Variants in PLS3 observed in about 807,000 individuals in gnomAD.
PLS3 encodes plastin 3.
PLS3 carries 11 observed loss-of-function variants against 46.5 expected under a neutral mutation model. The observed-to-expected ratio is 0.24, with a 90% CI of 0.15 to 0.39. PLS3 has a LOEUF of 0.39. Ranked by LOEUF, PLS3 falls within the 10% of genes least tolerant of loss-of-function variation. PLS3 has a pLI of 1.00. For synonymous variants in PLS3, 167 were observed against 162.2 expected (o/e 1.03, Z -0.22); for missense variants, 308 against 461.8 (o/e 0.67, Z 3.05).
chrX:115,596,704 G>A (rs2074392404), intron 1 of PLS3, among the ~76,000 whole-genome samples: 1 of 110,894 alleles, frequency 9.0e-6, no homozygotes, highest in African/African-American at 3.3e-5. Flanking sequence ...AGATGTGGTG[G>A]CGCATGCTTG....
chrX:115,569,055 G>A (rs868907550), intron 1 of PLS3, among the ~76,000 whole-genome samples: 3 of 103,850 alleles, frequency 2.9e-5, no homozygotes, highest in African/African-American at 1.1e-4. Flanking sequence ...AAAAAAAAAA[G>A]AAGAAGAAAA....
chrX:115,578,010 G>A (rs2074258543), intron 1 of PLS3, among the ~76,000 whole-genome samples: 1 of 111,470 alleles, frequency 9.0e-6, no homozygotes, highest in African/African-American at 3.3e-5. Flanking sequence ...ATCCTACTAG[G>A]GGAGAGATAG....
At chrX:115,602,099 G>A (rs1467064341) in intron 1 of PLS3, among the ~76,000 whole-genome samples, 1 of 111,578 alleles carries the variant, frequency 9.0e-6, no homozygotes, top group Non-Finnish European at 1.9e-5. Context: ...CAAAGACAGA[G>A]TTCAAGCCTC....
intron 1 of PLS3, among the ~76,000 whole-genome samples, chrX:115,590,203 G>C (rs2074335766): frequency 9.0e-6 from 1 of 111,426 alleles, no homozygotes; most frequent in South Asian, 3.8e-4. Flanking sequence ...CATCTAGAGA[G>C]AGTGACAGTG....
At chrX:115,637,041 C>T in intron 8 of PLS3, 63 bp downstream of exon 8, 1 of 1,058,548 alleles carries the variant, frequency 9.4e-7, no homozygotes. Flanking sequence ...TTCATCCCAG[C>T]TTAACAGAGA....
chrX:115,578,712 A>C (rs1177333621), intron 1 of PLS3, among the ~76,000 whole-genome samples: 3 of 109,843 alleles, frequency 2.7e-5, no homozygotes, highest in Non-Finnish European at 5.7e-5. Context: ...AAAAAAAAAA[A>C]AAGATAAAGT....
chrX:115,570,596 C>T (rs1050134808), intron 1 of PLS3, among the ~76,000 whole-genome samples: 12 of 102,858 alleles, frequency 1.2e-4, no homozygotes, highest in East Asian at 6.2e-4. Context: ...CTTGACTTCC[C>T]GGGGCTCAAG....
chrX:115,608,061 G>T (rs1556635623), intron 1 of PLS3, among the ~76,000 whole-genome samples: 2 of 111,783 alleles, frequency 1.8e-5, no homozygotes, highest in African/African-American at 6.5e-5. Flanking sequence ...ATAATACTTG[G>T]TGCATAGTTG....
Position 115,633,986 on chromosome X carries a change from A to C in PLS3, c.501-14A>C. 1.0e-6 allele frequency: 1 copy of C among 974,249 alleles called. No individual in the cohort carries two copies. The highest frequency in any genetic ancestry group is 3.1e-5 in the East Asian group (1 of 32,708). The allele number at this position is 974,249 out of a possible 1,213,427, so 80.3% of individuals were successfully genotyped here. A position where few individuals can be genotyped will look rare whatever the true frequency, so the allele number is the denominator to read the frequency against. On this transcript the variant is annotated splice_polypyrimidine_tract_variant and intron_variant, in intron 5 of 15. Coordinates refer to ENST00000355899, the MANE Select transcript of PLS3 (RefSeq NM_005032.7). ...TTTTTTTTACATCAGCCTTTTTTTAAATTTTTGTTTCAGTAAAATGATTAA... is the reference window on the plus strand; with the variant it reads ...TTTTTTTTACATCAGCCTTTTTTTACATTTTTGTTTCAGTAAAATGATTAA...
At chrX:115,587,871 A>G (rs902530228) in intron 1 of PLS3, among the ~76,000 whole-genome samples, 2 of 112,481 alleles carry the variant, frequency 1.8e-5, no homozygotes, top group Non-Finnish European at 3.8e-5. Context: ...GAAACAACTA[A>G]GAGTATTTGT....
At chrX:115,608,216 C>T (rs1177354857) in intron 1 of PLS3, among the ~76,000 whole-genome samples, 13 of 111,684 alleles carry the variant, frequency 1.2e-4, no homozygotes, top group Non-Finnish European at 2.3e-4. Flanking sequence ...CCTACCACTT[C>T]CAGCCCCTAC....
At position 115,629,192 on chromosome X, in the gene PLS3, T is replaced by G; in HGVS notation, c.238-6T>G. On this transcript the variant is annotated splice_polypyrimidine_tract_variant and splice_region_variant and intron_variant, in intron 3 of 15. Coordinates refer to ENST00000355899, the MANE Select transcript of PLS3 (RefSeq NM_005032.7). Reference sequence around the variant, plus strand: ...TGTGAATCAACAAAATTACTTTAATTAATAGATTTTTCAAGAGGTAAAAAG... The same window carrying G: ...TGTGAATCAACAAAATTACTTTAATGAATAGATTTTTCAAGAGGTAAAAAG... 1 of 1,130,463 alleles carries G rather than the reference T, an allele frequency of 8.8e-7. No individual in the cohort carries two copies. The highest frequency in any genetic ancestry group is 3.0e-5 in the East Asian group (1 of 32,976). The allele number at this position is 1,130,463 out of a possible 1,213,427, so 93.2% of individuals were successfully genotyped here. A position where few individuals can be genotyped will look rare whatever the true frequency, so the allele number is the denominator to read the frequency against.
chrX:115,582,471 C>T (rs1257603795), intron 1 of PLS3, among the ~76,000 whole-genome samples: 1 of 112,076 alleles, frequency 8.9e-6, no homozygotes, highest in Non-Finnish European at 1.9e-5. Flanking sequence ...GATTCAATTC[C>T]CTCCTCGAAG....
chrX:115,636,114 A>C (rs1271375798), intron 7 of PLS3, among the ~76,000 whole-genome samples: 6 of 112,002 alleles, frequency 5.4e-5, no homozygotes, highest in Non-Finnish European at 9.4e-5. Flanking sequence ...TTTTACTTAA[A>C]TACAAATACC....
chrX:115,639,633 C>T (rs782052699), intron 8 of PLS3: 17 of 299,599 alleles, frequency 5.7e-5, no homozygotes, highest in African/African-American at 2.7e-4. Flanking sequence ...ACTCAAATTC[C>T]GGTCCTCTAG....
chrX:115,573,093 C>CAAA (rs1163578692), intron 1 of PLS3, among the ~76,000 whole-genome samples: 1 of 30,235 alleles, frequency 3.3e-5, no homozygotes, highest in Non-Finnish European at 7.5e-5. Context: ...GACTCCGTCT[C>CAAA]AAAAAAAAAA....
chrX:115,563,496 T>C (rs1556629791), intron 1 of PLS3, among the ~76,000 whole-genome samples: 6 of 109,946 alleles, frequency 5.5e-5, no homozygotes, highest in Non-Finnish European at 1.1e-4. Context: ...TATTACAGAG[T>C]ATAGAAGAGA....
Position 115,635,663 on chromosome X carries a change from AAAAAAAG to A in PLS3, c.748+621_748+627del, listed in dbSNP as rs1257229076. 2.5e-4 allele frequency among the ~76,000 whole-genome samples: 27 copies of A among 106,236 alleles called. No homozygotes were observed. The South Asian group carries it at 3.0e-3, about 12-fold the overall frequency. The allele number at this position is 106,236 out of a possible 115,157, so 92.3% of individuals were successfully genotyped here. On this transcript the variant is annotated intron_variant, in intron 7 of 15. Coordinates refer to ENST00000355899, the MANE Select transcript of PLS3 (RefSeq NM_005032.7). ...GAGACTCTGTCTCAAAAAAAAAAAA[AAAAAAAG>A]AAAGAAAGAAAAAAAAAGAGAGAAA...
intron 1 of PLS3, among the ~76,000 whole-genome samples, chrX:115,589,136 T>G (rs2074329040): frequency 9.1e-6 from 1 of 110,328 alleles, no homozygotes; most frequent in Non-Finnish European, 1.9e-5. Context: ...CCCAGCTAAT[T>G]TTTTTGTATT....
Sources: gnomAD v4.1 joint callset for allele counts (sites outside exome capture counted in the v4.1 genomes callset) on GRCh38, gnomAD v4.1.1 for gene constraint, MANE v1.5 for transcripts, NCBI Gene and HGNC (gene_info 2026-07-23, HGNC 2026-07-21) for gene names.